The following MYL2 variants were observed in gnomAD, a reference collection of about 807,000 sequenced individuals.
MYL2 encodes myosin light chain 2.
Under a neutral mutation model 23.0 loss-of-function variants are expected in MYL2, and 19 were observed. The observed-to-expected ratio is 0.83, with a 90% CI of 0.58 to 1.21. The LOEUF (loss-of-function observed/expected upper bound fraction) is 1.21. Ranked by LOEUF, MYL2 falls within the 50% of genes most tolerant of loss-of-function variation. The pLI, the probability that MYL2 is intolerant of heterozygous loss-of-function variation, is 0.00. For synonymous variants in MYL2, 78 were observed against 76.2 expected, an observed-to-expected ratio of 1.02 and a Z score of -0.13; for missense variants, 180 against 215.1, an observed-to-expected ratio of 0.84 and a Z score of 1.02.
At chr12:110,912,212 C>T (rs377393784) in intron 6 of MYL2, among the ~76,000 whole-genome samples, 157 of 152,152 alleles carry the variant, frequency 1.0e-3, no homozygotes, top group Middle Eastern at 6.8e-3. Flanking sequence ...ATAAGGTTGA[C>T]GGCACCATTG....
At chr12:110,913,378 A>G in intron 4 of MYL2, 54 bp from the exon 5 acceptor site, 7 of 1,598,716 alleles carry the variant, frequency 4.4e-6, no homozygotes, top group Non-Finnish European at 6.0e-6. Context: ...AACCACTGGC[A>G]CCCCAGGCAG....
At chr12:110,912,412 C>T (rs969489210) in intron 6 of MYL2, among the ~76,000 whole-genome samples, 14 of 152,194 alleles carry the variant, frequency 9.2e-5, no homozygotes, top group African/African-American at 2.4e-4. Context: ...TTGTTCAGTG[C>T]ACAACTCACA....
At chr12:110,912,703 T>A (rs1218752207) in intron 6 of MYL2, among the ~76,000 whole-genome samples, 1 of 152,198 alleles carries the variant, frequency 6.6e-6, no homozygotes, top group African/African-American at 2.4e-5. Flanking sequence ...TGGCTGGGAA[T>A]ACAGGCGTCC....
intron 1 of MYL2, among the ~76,000 whole-genome samples, chr12:110,920,034 T>G (rs1193515877): frequency 6.6e-6 from 1 of 152,180 alleles, no homozygotes; most frequent in African/African-American, 2.4e-5. Flanking sequence ...ACTCCAGAGT[T>G]CCTGCCTCTA....
At chr12:110,911,954 C>T (rs965735793) in intron 6 of MYL2, among the ~76,000 whole-genome samples, 4 of 152,212 alleles carry the variant, frequency 2.6e-5, no homozygotes, top group East Asian at 1.9e-4. Flanking sequence ...GTCGAATCCT[C>T]GCAATCTCCT....
chr12:110,914,199 C>T lies in MYL2; in HGVS notation c.261G>A (p.Gly87=). The T allele has an allele frequency of 1.2e-6, 2 of 1,613,166 alleles. No homozygotes were observed. Among genetic ancestry groups the T allele is most frequent in the Non-Finnish European group, 1.7e-6 (2 of 1,179,230 alleles). The change falls in exon 4 of 7, where the codon GGG becomes GGA. Residue 87 remains glycine (G), a synonymous_variant. Coordinates refer to ENST00000228841, the MANE Select transcript of MYL2 (RefSeq NM_000432.4). ...ACACGACCTTACCCTTAAGTTTCTC[C>T]CCAAACATTGTGAGGAACACAGTAA... ...INFTVFLTMF[G]EKLKGADPEE...
At chr12:110,913,660 G>A (rs2071669121) in intron 4 of MYL2, among the ~76,000 whole-genome samples, 1 of 152,192 alleles carries the variant, frequency 6.6e-6, no homozygotes, top group South Asian at 2.1e-4. Flanking sequence ...ATACCTCCTA[G>A]TTGCTATTAA....
chr12:110,914,876 T>C (rs763588990), intron 3 of MYL2, among the ~76,000 whole-genome samples: 2 of 152,200 alleles, frequency 1.3e-5, no homozygotes, highest in Non-Finnish European at 2.9e-5. Flanking sequence ...GCAGATATTT[T>C]CATTTTTCAC....
At chr12:110,913,402 C>T in intron 4 of MYL2, 78 bp from the exon 5 acceptor site, 2 of 1,474,708 alleles carry the variant, frequency 1.4e-6, no homozygotes. Context: ...GGCCCAAGTT[C>T]CCCCAGAGAT....
At chr12:110,913,843 T>C (rs1368714241) in intron 4 of MYL2, among the ~76,000 whole-genome samples, 3 of 152,124 alleles carry the variant, frequency 2.0e-5, no homozygotes. Context: ...ACCTCTGACA[T>C]CCCGGTTCAA....
intron 1 of MYL2, among the ~76,000 whole-genome samples, chr12:110,919,709 C>G (rs2071708274): frequency 6.6e-6 from 1 of 152,178 alleles, no homozygotes; most frequent in Admixed American, 6.5e-5. Context: ...GGCAGCAAAA[C>G]CTCCTCTCTG....
intron 6 of MYL2, among the ~76,000 whole-genome samples, chr12:110,912,246 A>C (rs1465877968): frequency 1.3e-5 from 2 of 152,196 alleles, no homozygotes; most frequent in African/African-American, 4.8e-5. Flanking sequence ...AAGCTTTGGC[A>C]AATTAGCAAA....
intron 6 of MYL2, among the ~76,000 whole-genome samples, chr12:110,912,478 CTA>C (rs908191830): frequency 1.3e-5 from 2 of 152,242 alleles, no homozygotes; most frequent in African/African-American, 4.8e-5. Context: ...AAGCAGGTCT[CTA>C]TGCATCGTGA....
At chr12:110,917,576 C>T (rs2136775986) in intron 2 of MYL2, among the ~76,000 whole-genome samples, 1 of 152,310 alleles carries the variant, frequency 6.6e-6, no homozygotes, top group African/African-American at 2.4e-5. Flanking sequence ...CCCTTACCCA[C>T]ACCGCCGGCA....
At chr12:110,920,783 C>T, upstream of MYL2, 3 of 603,222 alleles carry the variant, frequency 5.0e-6, no homozygotes, top group Non-Finnish European at 8.9e-6. Flanking sequence ...GAGGCAGTAG[C>T]TGGGTCATGG....
chr12:110,914,416 T>G, intron 3 of MYL2, 126 bp from the exon 4 acceptor site: 1 of 730,982 alleles, frequency 1.4e-6, no homozygotes, highest in South Asian at 1.5e-5. Flanking sequence ...ATGGGGTGGA[T>G]GGAGGCAAAG....
Position 110,915,874 on chromosome 12 carries a change from G to C in MYL2, c.94-84C>G, listed in dbSNP as rs1052473500. The C allele has an allele frequency of 5.6e-6, 6 of 1,069,952 alleles. No homozygotes were observed. In the East Asian group the frequency reaches 1.4e-4, roughly 25 times the overall value. 66.3% of individuals were successfully genotyped at this position (1,069,952 alleles called of 1,614,324 possible). A position where few individuals can be genotyped will look rare whatever the true frequency, so the allele number is the denominator to read the frequency against. The stretch of plus-strand genomic sequence containing the variant: ...AGATTGGGCCAAGGACTTGGCAGGA[G>C]TGGATTCTGGGATCTTCAAAGATCA... On this transcript the variant is annotated intron_variant, in intron 2 of 6. Coordinates refer to ENST00000228841, the MANE Select transcript of MYL2 (RefSeq NM_000432.4).
At chr12:110,915,630 T>G in intron 3 of MYL2, 85 bp downstream of exon 3, 43 of 1,369,752 alleles carry the variant, frequency 3.1e-5, no homozygotes, top group Non-Finnish European at 4.0e-5. Flanking sequence ...GACACCATCT[T>G]GAGCTTTTCT....
chr12:110,917,565 T>A (rs1306385932), intron 2 of MYL2, among the ~76,000 whole-genome samples: 1 of 152,176 alleles, frequency 6.6e-6, no homozygotes, highest in Non-Finnish European at 1.5e-5. Flanking sequence ...GTTCTTTGCA[T>A]CCCTTACCCA....
Sources: allele counts gnomAD v4.1 joint callset (sites outside exome capture counted in the v4.1 genomes callset), GRCh38; gene constraint gnomAD v4.1.1; transcripts MANE v1.5; gene names NCBI Gene and HGNC (gene_info 2026-07-23, HGNC 2026-07-21).